LRRC49: variants seen among roughly 807,000 people sequenced by gnomAD.
LRRC49 encodes leucine-rich repeat-containing protein 49.
In LRRC49, 50 loss-of-function variants were observed where a neutral mutation model predicts 83.3. That is an observed-to-expected ratio of 0.60 (90% CI 0.48 to 0.76). LRRC49 has a LOEUF of 0.76. Among genes scored for constraint, LRRC49 ranks in the 30% least tolerant of loss-of-function variants. The pLI is 0.00. For synonymous variants in LRRC49, 286 were observed against 283.3 expected, an observed-to-expected ratio of 1.01 and a Z score of -0.10; for missense variants, 704 against 809.1, an observed-to-expected ratio of 0.87 and a Z score of 1.58.
At chr15:70,939,218 C>G (rs887062142) in intron 8 of LRRC49, among the ~76,000 whole-genome samples, 1 of 152,134 alleles carries the variant, frequency 6.6e-6, no homozygotes, top group Non-Finnish European at 1.5e-5. Flanking sequence ...AGACTGTAAA[C>G]TTGACAAAGG....
chr15:71,035,218 T>C (rs2141295487), intron 14 of LRRC49, among the ~76,000 whole-genome samples: 1 of 152,272 alleles, frequency 6.6e-6, no homozygotes, highest in East Asian at 1.9e-4. Context: ...AGAAAATACT[T>C]ATATAGCATT....
chr15:71,000,176 A>C (rs1311058383), intron 11 of LRRC49, among the ~76,000 whole-genome samples: 1 of 152,088 alleles, frequency 6.6e-6, no homozygotes, highest in Non-Finnish European at 1.5e-5. Flanking sequence ...CTGGTTTTGT[A>C]ATTTATTAGA....
chr15:70,987,678 C>T (rs189087776), intron 11 of LRRC49, among the ~76,000 whole-genome samples: 74 of 152,234 alleles, frequency 4.9e-4, no homozygotes, highest in African/African-American at 1.6e-3. Context: ...CTTCTACTAG[C>T]TTTTGAATGT....
At chr15:70,900,450 G>C (rs1224298441) in intron 3 of LRRC49, 1 of 456,434 alleles carries the variant, frequency 2.2e-6, no homozygotes, top group Non-Finnish European at 4.4e-6. Flanking sequence ...CACAACAAAT[G>C]TGACAGAACT....
intron 2 of LRRC49, 95 bp from the exon 3 acceptor site, chr15:70,895,754 A>C (rs955204643): frequency 1.6e-5 from 11 of 673,776 alleles, no homozygotes; most frequent in Admixed American, 1.6e-4. Flanking sequence ...ACATTGTACC[A>C]TGTGTATCAG....
chr15:70,854,892 G>A (rs2032612919), intron 1 of LRRC49, among the ~76,000 whole-genome samples: 1 of 152,182 alleles, frequency 6.6e-6, no homozygotes, highest in Non-Finnish European at 1.5e-5. Context: ...CACATAGTAT[G>A]CACTCAGATG....
In LRRC49 at chr15:71,000,013, T is replaced by C. The variant is rs568123625; in HGVS notation, c.1170-8366T>C. Among the ~76,000 whole-genome samples, 14 of 152,368 alleles carry C rather than the reference T, an allele frequency of 9.2e-5. No individual in the cohort carries two copies. The South Asian group carries it at 2.3e-3, about 25-fold the overall frequency. ...AGAATATGGTCTGCATTGCTTCCTCTGTTGCCAGCAATCTGCACCAGGAAT... is the reference window on the plus strand; with the variant it reads ...AGAATATGGTCTGCATTGCTTCCTCCGTTGCCAGCAATCTGCACCAGGAAT... On this transcript the variant is annotated intron_variant, in intron 11 of 15. Transcript: ENST00000260382.
chr15:70,964,025 T>C, intron 9 of LRRC49, 93 bp downstream of exon 9: 1 of 1,267,874 alleles, frequency 7.9e-7, no homozygotes, highest in Non-Finnish European at 1.1e-6. Flanking sequence ...TGCTTCTTAA[T>C]TTTAGTGAAC....
chr15:70,984,252 A>C lies in LRRC49; in HGVS notation c.1164A>C (p.Glu388Asp). The C allele has an allele frequency of 6.2e-7, 1 of 1,610,104 alleles. No homozygotes were observed. Among genetic ancestry groups the C allele is most frequent in the Non-Finnish European group, 8.5e-7 (1 of 1,178,010 alleles). ...GCACCCTCTCTGCATTCCCAGAGGA[A>C]ACAGGGTATGCAATGGTATTTTTTC... Reference protein sequence around the residue: ...DGSTLSAFPEETGPLDSGLNN... With the variant: ...DGSTLSAFPEDTGPLDSGLNN... Residue 388 changes from glutamate (E) to aspartate (D), a missense_variant, in exon 11 of 16, where the codon GAA (glutamate) becomes GAC (aspartate). By Grantham distance (45) the Glu-to-Asp change is conservative (BLOSUM62 2). Transcript: ENST00000260382.
intron 9 of LRRC49, among the ~76,000 whole-genome samples, chr15:70,976,856 G>A (rs1438754181): frequency 2.0e-5 from 3 of 151,878 alleles, no homozygotes; most frequent in African/African-American, 4.8e-5. Context: ...TTTTTTCTAA[G>A]TTTAGTTACT....
intron 2 of LRRC49, among the ~76,000 whole-genome samples, chr15:70,883,214 G>A (rs1156779944): frequency 6.7e-6 from 1 of 148,522 alleles, no homozygotes; most frequent in East Asian, 2.0e-4. Flanking sequence ...TTTTTGAGAT[G>A]GAGTTTTGCT....
chr15:70,936,136 A>G (rs533239905), intron 7 of LRRC49, among the ~76,000 whole-genome samples: 1 of 152,272 alleles, frequency 6.6e-6, no homozygotes, highest in South Asian at 2.1e-4. Context: ...GGTGGTGTGC[A>G]TAAATATAAT....
intron 11 of LRRC49, chr15:70,984,495 A>G (rs958052024): frequency 1.2e-5 from 4 of 343,146 alleles, no homozygotes; most frequent in African/African-American, 2.1e-5. Flanking sequence ...ATTTCTTAAT[A>G]TAGTCTATGA....
chr15:70,861,235 C>T (rs2032781303), intron 1 of LRRC49, among the ~76,000 whole-genome samples: 2 of 151,834 alleles, frequency 1.3e-5, no homozygotes, highest in South Asian at 4.2e-4. Flanking sequence ...TAGTTCAGGG[C>T]CTAGGATATA....
intron 14 of LRRC49, among the ~76,000 whole-genome samples, chr15:71,015,686 C>T (rs2038803942): frequency 6.6e-6 from 1 of 152,164 alleles, no homozygotes; most frequent in African/African-American, 2.4e-5. Flanking sequence ...TTCTTACATA[C>T]TTTTGGTGGT....
chr15:71,000,726 C>G lies in LRRC49; in HGVS notation c.1170-7653C>G, dbSNP rs74714330. Among the ~76,000 whole-genome samples the G allele has an allele frequency of 6.2e-3, 938 of 152,268 alleles. 12 individuals are homozygous for G. The highest frequency in any genetic ancestry group is 0.02 in the African/African-American group (847 of 41,552). On this transcript the variant is annotated intron_variant, in intron 11 of 15. Transcript: ENST00000260382. ...ACTGCTGTTTCTACATTTCTGACTT[C>G]TAGAATCTACTCTTTTTGAAGCCTG...
At chr15:70,932,586 A>G (rs746085104) in intron 7 of LRRC49, among the ~76,000 whole-genome samples, 14 of 152,136 alleles carry the variant, frequency 9.2e-5, no homozygotes, top group Non-Finnish European at 1.3e-4. Context: ...TCCTTGGTGC[A>G]TGTCAAAATC....
At chr15:70,877,743 A>G (rs912693951) in intron 2 of LRRC49, among the ~76,000 whole-genome samples, 3 of 152,222 alleles carry the variant, frequency 2.0e-5, no homozygotes, top group Admixed American at 6.5e-5. Context: ...AAAGTTTACC[A>G]CATTGTTTTC....
At chr15:71,039,536 A>G (rs1019862210) in intron 15 of LRRC49, among the ~76,000 whole-genome samples, 3 of 152,216 alleles carry the variant, frequency 2.0e-5, no homozygotes, top group Admixed American at 2.0e-4. Flanking sequence ...CATGTAGCCT[A>G]TGCACATCCT....
Sources: allele counts gnomAD v4.1 joint callset (sites outside exome capture counted in the v4.1 genomes callset), GRCh38; gene constraint gnomAD v4.1.1; transcripts MANE v1.5; gene names NCBI Gene and HGNC (gene_info 2026-07-23, HGNC 2026-07-21).